The following SH3D19 variants were observed in gnomAD, a reference collection of about 807,000 sequenced individuals.
SH3D19 encodes SH3 domain-containing protein 19.
In SH3D19, 58 loss-of-function variants were observed where a neutral mutation model predicts 112.1. The observed-to-expected ratio is 0.52, with a 90% CI of 0.42 to 0.64. The LOEUF (loss-of-function observed/expected upper bound fraction) is 0.64, where lower values mean the gene tolerates loss of function less well. Among genes scored for constraint, SH3D19 ranks in the 30% least tolerant of loss-of-function variants. The pLI, the probability that SH3D19 is intolerant of heterozygous loss-of-function variation, is 0.00. For missense variants in SH3D19, 1,090 were observed against 1,263.4 expected, an observed-to-expected ratio of 0.86 and a Z score of 2.08; for synonymous variants, 391 against 448.5, an observed-to-expected ratio of 0.87 and a Z score of 1.62.
chr4:151,180,127 C>T (rs1760620440), intron 3 of SH3D19, among the ~76,000 whole-genome samples: 1 of 152,220 alleles, frequency 6.6e-6, no homozygotes, highest in African/African-American at 2.4e-5. Flanking sequence ...ATCCTCCTGC[C>T]TGGGCTTCCC....
At chr4:151,213,446 A>T (rs550400064) in intron 2 of SH3D19, among the ~76,000 whole-genome samples, 1 of 152,128 alleles carries the variant, frequency 6.6e-6, no homozygotes, top group Non-Finnish European at 1.5e-5. Context: ...GGAGTTCAAG[A>T]CCAGCCTGGG....
chr4:151,249,662 T>TA (rs572027354), intron 1 of SH3D19, among the ~76,000 whole-genome samples: 41 of 147,730 alleles, frequency 2.8e-4, no homozygotes, highest in African/African-American at 7.7e-4. Flanking sequence ...AAACTTCGTG[T>TA]AAAAAAAAAA....
intron 17 of SH3D19, among the ~76,000 whole-genome samples, chr4:151,128,913 A>G (rs1750006939): frequency 2.0e-5 from 3 of 152,148 alleles, no homozygotes; most frequent in Non-Finnish European, 4.4e-5. Context: ...TTCTGGGATT[A>G]CAGGCATGAT....
intron 1 of SH3D19, among the ~76,000 whole-genome samples, chr4:151,277,692 A>G (rs149284804): frequency 3.9e-4 from 60 of 152,274 alleles, no homozygotes; most frequent in Admixed American, 3.5e-3. Flanking sequence ...ACACTATTCT[A>G]TGATTTCAGG....
intron 1 of SH3D19, among the ~76,000 whole-genome samples, chr4:151,324,914 C>T (rs1384598953): frequency 6.6e-6 from 1 of 152,098 alleles, no homozygotes; most frequent in Non-Finnish European, 1.5e-5. Context: ...ACCGAGACGG[C>T]CATTGACCTC....
In SH3D19 at chr4:151,175,151, C is replaced by T. The variant is rs1759752797; in HGVS notation, c.1053G>A (p.Gly351=). The T allele has an allele frequency of 6.2e-7, 1 of 1,613,932 alleles. No individual in the cohort carries two copies. Residue 351 remains glycine (G), a synonymous_variant, in exon 7 of 20, where the codon GGG becomes GGA. Transcript: ENST00000604030. The part of the protein sequence containing the change: ...ANRASGEWDS[G]TENRLKVTSK... The stretch of plus-strand genomic sequence containing the variant: ...AGGTCACCTTGAGTCTGTTCTCAGT[C>T]CCAGAGTCCCACTCTCCAGAAGCTC...
chr4:151,263,224 G>A (rs894377673), intron 1 of SH3D19, among the ~76,000 whole-genome samples: 1 of 152,184 alleles, frequency 6.6e-6, no homozygotes, highest in Admixed American at 6.5e-5. Context: ...GACAGAGCCT[G>A]GGGAAGTGCA....
chr4:151,166,306 C>T (rs1423281164), intron 7 of SH3D19: 2 of 152,206 alleles, frequency 1.3e-5, no homozygotes, highest in Admixed American at 1.3e-4. Context: ...CTCGGCATTC[C>T]TCCATCTTAA....
intron 1 of SH3D19, among the ~76,000 whole-genome samples, chr4:151,310,223 A>G (rs1178553297): frequency 6.7e-6 from 1 of 150,104 alleles, no homozygotes; most frequent in Non-Finnish European, 1.5e-5. Context: ...AAAAAAAAAA[A>G]AAAAAAAATT....
At chr4:151,301,107 C>A (rs1345648049) in intron 1 of SH3D19, among the ~76,000 whole-genome samples, 1 of 152,220 alleles carries the variant, frequency 6.6e-6, no homozygotes, top group Admixed American at 6.5e-5. Flanking sequence ...AAATTGTAAT[C>A]CTCAAGCTGG....
rs554496479 is a variant in SH3D19, at chr4:151,298,581, A to G, written c.112+26660T>C. ...ATTTGAGAGGCCTATTAGATGTCGA[A>G]GTAAAGATGCTGAATAGGCAGTCTA... On this transcript the variant is annotated intron_variant, in intron 1 of 19. Transcript: ENST00000604030. Among the ~76,000 whole-genome samples, 12 of 152,318 alleles carry G rather than the reference A, an allele frequency of 7.9e-5. No homozygotes were observed. In the South Asian group the frequency reaches 2.1e-3, roughly 26 times the overall value.
At chr4:151,203,142 A>G (rs1325418053) in intron 2 of SH3D19, among the ~76,000 whole-genome samples, 1 of 152,080 alleles carries the variant, frequency 6.6e-6, no homozygotes, top group Non-Finnish European at 1.5e-5. Context: ...CAGTCCTAAC[A>G]CCAAAGGTCT....
Position 151,188,126 on chromosome 4 carries a change from C to A in SH3D19, c.153-663G>T, listed in dbSNP as rs1043732943. On this transcript the variant is annotated intron_variant, in intron 2 of 19. Transcript: ENST00000604030. ...AGCCTCTCAATCTTGGATTTCCCAG[C>A]CTCCATACCCATGAGCCAATAAATT... is the stretch of plus-strand genomic sequence containing the variant. Among the ~76,000 whole-genome samples the A allele has an allele frequency of 5.3e-5, 8 of 152,126 alleles. No homozygotes were observed. The East Asian group carries it at 1.5e-3, about 29-fold the overall frequency.
Position 151,190,949 on chromosome 4 carries a change from T to C in SH3D19, c.153-3486A>G, listed in dbSNP as rs6535767. Among the ~76,000 whole-genome samples the C allele has an allele frequency of 3.5e-3, 526 of 152,266 alleles. 5 individuals carry two copies. Among genetic ancestry groups the C allele is most frequent in the African/African-American group, 0.012 (491 of 41,562 alleles). On this transcript the variant is annotated intron_variant, in intron 2 of 19. Transcript: ENST00000604030. Reference sequence around the variant, plus strand: ...CAACGCCAGCCGTGAAAGCAGCTGGTGGGGAGGCTATACCCTGCAAAACCA... The same window carrying C: ...CAACGCCAGCCGTGAAAGCAGCTGGCGGGGAGGCTATACCCTGCAAAACCA...
At chr4:151,211,123 AGCCAAGC>A (rs1765900569) in intron 2 of SH3D19, among the ~76,000 whole-genome samples, 1 of 152,204 alleles carries the variant, frequency 6.6e-6, no homozygotes, top group South Asian at 2.1e-4. Context: ...ATACAAAATT[AGCCAAGC>A]GTGGTGGTGC....
chr4:151,189,221 C>T (rs774629112), intron 2 of SH3D19, among the ~76,000 whole-genome samples: 2 of 152,062 alleles, frequency 1.3e-5, no homozygotes, highest in African/African-American at 4.8e-5. Context: ...TCACACCATT[C>T]TCCTGCCTCA....
At chr4:151,164,760 A>T (rs1757709702) in intron 8 of SH3D19, among the ~76,000 whole-genome samples, 1 of 152,078 alleles carries the variant, frequency 6.6e-6, no homozygotes, top group South Asian at 2.1e-4. Flanking sequence ...TTGTATTTTT[A>T]GTAGAGACAG....
In SH3D19 at chr4:151,263,451, C is replaced by T. The variant is rs545613915; in HGVS notation, c.113-37365G>A. ...ACGGGCCAGGCCGGAGGAGGAGCCC[C>T]GGCAGTATATTAGTTATCTATTGCA... On this transcript the variant is annotated intron_variant, in intron 1 of 19. Transcript: ENST00000604030. 1.3e-3 allele frequency among the ~76,000 whole-genome samples: 198 copies of T among 152,246 alleles called. 1 individual carries two copies. The highest frequency in any genetic ancestry group is 2.4e-3 in the Non-Finnish European group (166 of 68,016).
At chr4:151,226,305 C>G in intron 1 of SH3D19, 3 of 1,199,028 alleles carry the variant, frequency 2.5e-6, no homozygotes, top group Non-Finnish European at 2.1e-6. Flanking sequence ...TTAAAATCAT[C>G]TACTTGGAAA....
Sources: gnomAD v4.1 joint callset for allele counts (sites outside exome capture counted in the v4.1 genomes callset) on GRCh38, gnomAD v4.1.1 for gene constraint, MANE v1.5 for transcripts, NCBI Gene and HGNC (gene_info 2026-07-23, HGNC 2026-07-21) for gene names.